The following EMC9 variants were observed in gnomAD, a reference collection of about 807,000 sequenced individuals.
The protein encoded by EMC9 is UPF0172 protein FAM158A.
A neutral mutation model predicts 25.0 loss-of-function variants in EMC9; 20 were observed. The ratio of observed to expected loss-of-function variants is 0.80; its 90% CI spans 0.56 to 1.16. The LOEUF is 1.16. Among genes scored for constraint, EMC9 ranks in the 50% most tolerant of loss-of-function variants. The pLI is 0.00. For synonymous variants in EMC9, 100 were observed against 107.0 expected, an observed-to-expected ratio of 0.93 and a Z score of 0.40; for missense variants, 256 against 268.7, an observed-to-expected ratio of 0.95 and a Z score of 0.33.
chr14:24,139,221 T>C lies in EMC9; in HGVS notation c.441-25A>G. 6.2e-7 allele frequency: 1 copy of C among 1,612,094 alleles called. No homozygotes were observed. The highest frequency in any genetic ancestry group is 8.5e-7 in the Non-Finnish European group (1 of 1,178,796). ...TCTGAAATAGTAACCCCCATGGAGG[T>C]CAAACAGCAAGTAGTGGGTCCAGAC... On this transcript the variant is annotated intron_variant, in intron 5 of 5. Coordinates refer to ENST00000216799, the MANE Select transcript of EMC9 (RefSeq NM_016049.4). The surrounding 1 kb of genome is among the most constrained non-coding windows in gnomAD (Gnocchi z 4.6).
Position 24,139,774 on chromosome 14 carries a change from G to C in EMC9, c.276-160C>G. The C allele has an allele frequency of 6.5e-7, 1 of 1,541,872 alleles. No homozygotes were observed. Among genetic ancestry groups the C allele is most frequent in the Non-Finnish European group, 8.8e-7 (1 of 1,141,520 alleles). Reference sequence around the variant, plus strand: ...CCTGCTGGATGCTTGATGCACGACTGCTTGATGCTTGAGTGCTGTGGGAGA... The same window carrying C: ...CCTGCTGGATGCTTGATGCACGACTCCTTGATGCTTGAGTGCTGTGGGAGA... On this transcript the variant is annotated intron_variant, in intron 3 of 5. Transcript: ENST00000216799. The surrounding 1 kb of genome is among the most constrained non-coding windows in gnomAD (Gnocchi z 4.6).
chr14:24,141,554 C>A lies in EMC9; in HGVS notation c.-129G>T, dbSNP rs1253185754. On this transcript the variant is annotated 5_prime_UTR_variant, in exon 1 of 6. Transcript: ENST00000216799. ...GAGGAGGTCCCGATTGCATCCGAGC[C>A]CCGCCTTCCCGCGCCCCTAGCTGGC... 3.4e-6 allele frequency: 2 copies of A among 590,394 alleles called. No individual in the cohort carries two copies. Among genetic ancestry groups the A allele is most frequent in the African/African-American group, 3.7e-5 (2 of 53,630 alleles). 36.6% of individuals were successfully genotyped at this position (590,394 alleles called of 1,614,324 possible). A position where few individuals can be genotyped will look rare whatever the true frequency, so the allele number is the denominator to read the frequency against.
chr14:24,139,213 C>T lies in EMC9; in HGVS notation c.441-17G>A, dbSNP rs1381733613. The T allele has an allele frequency of 6.2e-7, 1 of 1,613,266 alleles. No homozygotes were observed. Among genetic ancestry groups the T allele is most frequent in the Non-Finnish European group, 8.5e-7 (1 of 1,179,366 alleles). ...CACATCACTCTGAAATAGTAACCCC[C>T]ATGGAGGTCAAACAGCAAGTAGTGG... On this transcript the variant is annotated splice_polypyrimidine_tract_variant and intron_variant, in intron 5 of 5. Coordinates refer to ENST00000216799, the MANE Select transcript of EMC9 (RefSeq NM_016049.4). This position sits in a 1 kb window ranked among gnomAD's most constrained non-coding sequence, Gnocchi z 4.6.
rs774937238 is a variant in EMC9, at chr14:24,139,617, G to T, written c.276-3C>A. The T allele has an allele frequency of 6.8e-6, 11 of 1,613,688 alleles. No homozygotes were observed. The highest frequency in any genetic ancestry group is 5.5e-5 in the South Asian group (5 of 90,968). On this transcript the variant is annotated splice_polypyrimidine_tract_variant and splice_region_variant and intron_variant, in intron 3 of 5. Transcript: ENST00000216799. This position sits in a 1 kb window ranked among gnomAD's most constrained non-coding sequence, Gnocchi z 4.6. ...TTTTCAAGGCCAGGGGCCCAGGGCTGTGTAGAGGGAAGATCAGAGGAGTGA... is the reference window on the plus strand; with the variant it reads ...TTTTCAAGGCCAGGGGCCCAGGGCTTTGTAGAGGGAAGATCAGAGGAGTGA...
chr14:24,139,414 G>C lies in EMC9; in HGVS notation c.386C>G (p.Pro129Arg), dbSNP rs373329454. The C allele has an allele frequency of 1.9e-6, 3 of 1,613,990 alleles. No homozygotes were observed. Among genetic ancestry groups the C allele is most frequent in the Non-Finnish European group, 2.5e-6 (3 of 1,180,012 alleles). ...ACCTTGGTTCTCCAGGACGATGACC[G>C]GGGGCACACGAGGCTGAGGCACCAG... is the stretch of plus-strand genomic sequence containing the variant. ...QKLVPQPRVP[P>R]VIVLENQGLR... Residue 129 changes from proline to arginine, a missense_variant, in exon 5 of 6, where the codon CCG becomes CGG. Physicochemically the swap from Pro to Arg is moderately radical, Grantham distance 103. Coordinates refer to ENST00000216799, the MANE Select transcript of EMC9 (RefSeq NM_016049.4). The surrounding 1 kb of genome is among the most constrained non-coding windows in gnomAD (Gnocchi z 4.6).
Position 24,139,471 on chromosome 14 carries a change from G to C in EMC9, c.346-17C>G. On this transcript the variant is annotated splice_polypyrimidine_tract_variant and intron_variant, in intron 4 of 5. Transcript: ENST00000216799. The surrounding 1 kb of genome is among the most constrained non-coding windows in gnomAD (Gnocchi z 4.6). ...ATTATCCAACTGAGTGGACAAAGAT[G>C]GGCAAGTGAGAGTTTCAAGGGTCCC... 1 of 1,613,932 alleles carries C rather than the reference G, an allele frequency of 6.2e-7. No individual in the cohort carries two copies.
At position 24,140,993 on chromosome 14, in the gene EMC9, T is replaced by C. The variant is rs1472808084; in HGVS notation, c.199-28A>G. Reference sequence around the variant, plus strand: ...GTCGTAGGAAAGGGGCCATCAGTAATTAAATTGTGCCGCTGGCTTTGTGGA... The same window carrying C: ...GTCGTAGGAAAGGGGCCATCAGTAACTAAATTGTGCCGCTGGCTTTGTGGA... On this transcript the variant is annotated intron_variant, in intron 2 of 5. Transcript: ENST00000216799. The C allele has an allele frequency of 5.0e-6, 8 of 1,614,206 alleles. No individual in the cohort carries two copies. The South Asian group carries it at 8.8e-5, about 18-fold the overall frequency.
At position 24,141,442 on chromosome 14, in the gene EMC9, G is replaced by T; in HGVS notation, c.-17C>A. 1.1e-6 allele frequency: 1 copy of T among 937,884 alleles called. No homozygotes were observed. The highest frequency in any genetic ancestry group is 1.6e-6 in the Non-Finnish European group (1 of 622,482). The allele number at this position is 937,884 out of a possible 1,614,324, so 58.1% of individuals were successfully genotyped here. A position where few individuals can be genotyped will look rare whatever the true frequency, so the allele number is the denominator to read the frequency against. On this transcript the variant is annotated 5_prime_UTR_variant, in exon 1 of 6. Coordinates refer to ENST00000216799, the MANE Select transcript of EMC9 (RefSeq NM_016049.4). ...CCCTTCCCCGTGCCCTCTCACTTCGGTTCGGCGACAACGCTAACTCGACTC... is the reference window on the plus strand; with the variant it reads ...CCCTTCCCCGTGCCCTCTCACTTCGTTTCGGCGACAACGCTAACTCGACTC...
rs759600285 is a variant in EMC9 at position 24,141,199 on chromosome 14, G to C, written c.106C>G (p.Arg36Gly). ...VNGLFLAPAP[R>G]SGECLCLTDC... ...GTGAGGCACAGGCATTCTCCAGACC[G>C]CGGCGCTGGCGCCAAAAACAGCCCG... The change falls in exon 2 of 6, where the codon CGG (arginine) becomes GGG (glycine). Residue 36 changes from arginine to glycine, a missense_variant. By Grantham distance (125) the Arg-to-Gly change is moderately radical. Transcript: ENST00000216799. 6.2e-7 allele frequency: 1 copy of C among 1,614,166 alleles called. No individual in the cohort carries two copies. Among genetic ancestry groups the C allele is most frequent in the South Asian group, 1.1e-5 (1 of 91,088 alleles).
rs747486156 is a variant in EMC9, at chr14:24,140,914, C to T, written c.250G>A (p.Ala84Thr). ...AGLVVAGYYH[A>T]NAAVNDQSPG... ...CTCTGATCGTTCACAGCTGCATTGG[C>T]ATGGTAGTAACCAGCCACCACCAGA... is the stretch of plus-strand genomic sequence containing the variant. Residue 84 changes from alanine (A) to threonine (T), a missense_variant, in exon 3 of 6, where the codon GCC becomes ACC. Coordinates refer to ENST00000216799, the MANE Select transcript of EMC9 (RefSeq NM_016049.4). The T allele has an allele frequency of 6.2e-7, 1 of 1,614,236 alleles. No individual in the cohort carries two copies. Among genetic ancestry groups the T allele is most frequent in the Non-Finnish European group, 8.5e-7 (1 of 1,180,056 alleles).
At chr14:24,141,039 C>T in intron 2 of EMC9, 68 bp downstream of exon 2, 1 of 1,613,566 alleles carries the variant, frequency 6.2e-7, no homozygotes, top group Non-Finnish European at 8.5e-7. Context: ...TGCCAAGGGA[C>T]CGGGGATGAA....
Position 24,139,744 on chromosome 14 carries a change from T to A in EMC9, c.276-130A>T, listed in dbSNP as rs2038006144. ...TTTCCCTGTAGGTGGCCTGCGGGGA[T>A]CGGGCCTGCTGGATGCTTGATGCAC... On this transcript the variant is annotated intron_variant, in intron 3 of 5. Coordinates refer to ENST00000216799, the MANE Select transcript of EMC9 (RefSeq NM_016049.4). This position sits in a 1 kb window ranked among gnomAD's most constrained non-coding sequence, Gnocchi z 4.6. 6.5e-7 allele frequency: 1 copy of A among 1,545,144 alleles called. No individual in the cohort carries two copies. Among genetic ancestry groups the A allele is most frequent in the Non-Finnish European group, 8.7e-7 (1 of 1,143,140 alleles).
intron 3 of EMC9, chr14:24,140,593 C>CA (rs769828039): frequency 0.061 from 11,801 of 192,872 alleles, 179 homozygotes; most frequent in African/African-American, 0.12. Flanking sequence ...GACTCCGTCT[C>CA]AAAAAAAAAA....
Position 24,139,651 on chromosome 14 carries a change from C to T in EMC9, c.276-37G>A, listed in dbSNP as rs1380728255. ...GAAGATCAGAGGAGTGAGGAGCCAA[C>T]TGTGGGCAAAACCCATCCATTTGAG... is the stretch of plus-strand genomic sequence containing the variant. On this transcript the variant is annotated intron_variant, in intron 3 of 5. Transcript: ENST00000216799. The surrounding 1 kb of genome is among the most constrained non-coding windows in gnomAD (Gnocchi z 4.6). 1.2e-6 allele frequency: 2 copies of T among 1,604,746 alleles called. No individual in the cohort carries two copies. The highest frequency in any genetic ancestry group is 2.7e-5 in the African/African-American group (2 of 74,708).
rs749242977 is a variant in EMC9 at position 24,139,106 on chromosome 14, GCAGT to G, written c.527_530del (p.Asp176AlafsTer?). On this transcript the variant is annotated frameshift_variant, in exon 6 of 6. Transcript: ENST00000216799. LOFTEE classifies it high-confidence loss of function. This position sits in a 1 kb window ranked among gnomAD's most constrained non-coding sequence, Gnocchi z 4.6. Reference sequence around the variant, plus strand: ...AGTCCTGCCGGATGTCATCAAGGTGGCAGTCAAAGTCCACAAGGTGCTGGTGGGC... The same window carrying G: ...AGTCCTGCCGGATGTCATCAAGGTGGCAAAGTCCACAAGGTGCTGGTGGGC... 15 of 1,614,040 alleles carry G rather than the reference GCAGT, an allele frequency of 9.3e-6. No homozygotes were observed. The highest frequency in any genetic ancestry group is 1.3e-5 in the Non-Finnish European group (15 of 1,180,048).
chr14:24,140,995 A>C, intron 2 of EMC9, 30 bp from the exon 3 acceptor site: 1 of 1,614,204 alleles, frequency 6.2e-7, no homozygotes, highest in Non-Finnish European at 8.5e-7. Context: ...ATCAGTAATT[A>C]AATTGTGCCG....
In EMC9 at chr14:24,139,134, G is replaced by GC; in HGVS notation, c.502dup (p.Ala168GlyfsTer9). On this transcript the variant is annotated frameshift_variant, in exon 6 of 6. Transcript: ENST00000216799. LOFTEE classifies it high-confidence loss of function. The surrounding 1 kb of genome is among the most constrained non-coding windows in gnomAD (Gnocchi z 4.6). ...GTCAAAGTCCACAAGGTGCTGGTGG[G>GC]CCCGATCTTCCAGTAGAGCTCCCAC... 7 of 1,614,154 alleles carry GC rather than the reference G, an allele frequency of 4.3e-6. No individual in the cohort carries two copies. Among genetic ancestry groups the GC allele is most frequent in the Non-Finnish European group, 4.2e-6 (5 of 1,180,014 alleles).
At position 24,138,991 on chromosome 14, in the gene EMC9, GGGC is replaced by G. The variant is rs2037975978; in HGVS notation, c.*16_*18del. 2.5e-6 allele frequency: 4 copies of G among 1,611,976 alleles called. No homozygotes were observed. In the East Asian group the frequency reaches 8.9e-5, roughly 36 times the overall value. On this transcript the variant is annotated 3_prime_UTR_variant, in exon 6 of 6. Transcript: ENST00000216799. ...CAGCCCAAGTCTCTTTATTGGAACC[GGGC>G]CCCGCTGGCCCTGGCTCAGGCATTT...
At position 24,139,666 on chromosome 14, in the gene EMC9, A is replaced by G. The variant is rs1056369514; in HGVS notation, c.276-52T>C. 10 of 1,593,314 alleles carry G rather than the reference A, an allele frequency of 6.3e-6. No individual in the cohort carries two copies. The highest frequency in any genetic ancestry group is 8.5e-6 in the Non-Finnish European group (10 of 1,169,718). The stretch of plus-strand genomic sequence containing the variant: ...GAGGAGCCAACTGTGGGCAAAACCC[A>G]TCCATTTGAGCTGGGCCTCCCAGGT... On this transcript the variant is annotated intron_variant, in intron 3 of 5. Coordinates refer to ENST00000216799, the MANE Select transcript of EMC9 (RefSeq NM_016049.4). The surrounding 1 kb of genome is among the most constrained non-coding windows in gnomAD (Gnocchi z 4.6).
Sources: allele counts gnomAD v4.1 joint callset, GRCh38; gene constraint gnomAD v4.1.1; non-coding constraint Gnocchi (gnomAD v3.1); transcripts MANE v1.5; gene names NCBI Gene and HGNC (gene_info 2026-07-23, HGNC 2026-07-21).